The following CTNNA2 variants were observed in gnomAD, a reference collection of about 807,000 sequenced individuals.
CTNNA2 encodes the protein catenin alpha-2.
Under a neutral mutation model 101.0 loss-of-function variants are expected in CTNNA2, and 42 were observed. The observed-to-expected ratio is 0.42, with a 90% CI of 0.32 to 0.54. The LOEUF is 0.54. CTNNA2 is among the 20% of genes least tolerant of loss of function. The probability of loss-of-function intolerance (pLI) is 0.14; values close to 1 mark genes in which losing one functional copy is unlikely to be tolerated. For missense variants in CTNNA2, 871 were observed against 1,223.1 expected (o/e 0.71, Z 4.29); for synonymous variants, 450 against 456.4 (o/e 0.99, Z 0.18).
At chr2:80,074,374 T>C (rs1027407937) in intron 7 of CTNNA2, among the ~76,000 whole-genome samples, 1 of 152,138 alleles carries the variant, frequency 6.6e-6, no homozygotes, top group African/African-American at 2.4e-5. Context: ...GAGGCAGTAG[T>C]TGTATTAGGA....
intron 3 of CTNNA2, among the ~76,000 whole-genome samples, chr2:79,336,031 A>G (rs868096135): frequency 2.0e-5 from 3 of 152,340 alleles, no homozygotes; most frequent in South Asian, 2.1e-4. Context: ...ACAAAACTCC[A>G]TCTGAAGACA....
intron 7 of CTNNA2, among the ~76,000 whole-genome samples, chr2:80,097,533 C>G (rs867986760): frequency 2.0e-5 from 3 of 152,028 alleles, no homozygotes; most frequent in Non-Finnish European, 4.4e-5. Context: ...TCTGTATTTC[C>G]TGAATTTGAA....
chr2:80,440,813 T>A (rs1682493314), intron 9 of CTNNA2, among the ~76,000 whole-genome samples: 1 of 152,180 alleles, frequency 6.6e-6, no homozygotes, highest in Middle Eastern at 3.2e-3. Context: ...TTATTCCAAG[T>A]AAGTGGGGCA....
chr2:80,515,814 A>G (rs1157874978), intron 9 of CTNNA2, among the ~76,000 whole-genome samples: 1 of 152,246 alleles, frequency 6.6e-6, no homozygotes, highest in Admixed American at 6.5e-5. Context: ...GCCGAAATCA[A>G]TTGAGGCTTC....
chr2:79,738,062 C>A (rs1002470228), intron 2 of CTNNA2, among the ~76,000 whole-genome samples: 2 of 152,214 alleles, frequency 1.3e-5, no homozygotes, highest in Non-Finnish European at 2.9e-5. Context: ...CACTGCACTA[C>A]CGCCATTGTG....
intron 11 of CTNNA2, among the ~76,000 whole-genome samples, chr2:80,552,542 G>A (rs1185726683): frequency 6.6e-6 from 1 of 152,198 alleles, no homozygotes; most frequent in Non-Finnish European, 1.5e-5. Context: ...GAAAAACACT[G>A]AGTAAACTGT....
intron 12 of CTNNA2, among the ~76,000 whole-genome samples, chr2:80,556,370 G>A (rs1693026024): frequency 1.3e-5 from 2 of 152,180 alleles, no homozygotes. Context: ...CCAGCCAGTG[G>A]AAAGCATAAA....
intron 9 of CTNNA2, among the ~76,000 whole-genome samples, chr2:80,475,171 G>A (rs989686681): frequency 2.6e-5 from 4 of 152,046 alleles, no homozygotes; most frequent in East Asian, 3.9e-4. Flanking sequence ...CACATTCTTC[G>A]GTGTTAATAA....
At chr2:79,536,819 A>T (rs970746541) in intron 1 of CTNNA2, among the ~76,000 whole-genome samples, 1 of 151,830 alleles carries the variant, frequency 6.6e-6, no homozygotes, top group Non-Finnish European at 1.5e-5. Context: ...CTCCTGCCTC[A>T]GCCTCCCGAG....
intron 9 of CTNNA2, among the ~76,000 whole-genome samples, chr2:80,475,036 T>C (rs959348068): frequency 6.6e-6 from 1 of 152,160 alleles, no homozygotes; most frequent in South Asian, 2.1e-4. Context: ...GTGAGTTGGG[T>C]GATTTTTACT....
chr2:79,721,310 C>A (rs184917639), intron 2 of CTNNA2, among the ~76,000 whole-genome samples: 1 of 152,186 alleles, frequency 6.6e-6, no homozygotes, highest in African/African-American at 2.4e-5. Context: ...TGGTGAGGGC[C>A]TTCTTGCTGT....
chr2:80,128,443 C>G (rs572346295), intron 7 of CTNNA2, among the ~76,000 whole-genome samples: 7 of 152,222 alleles, frequency 4.6e-5, no homozygotes, highest in Non-Finnish European at 8.8e-5. Flanking sequence ...CTCTCTGGGC[C>G]ACAGCTTTCC....
At chr2:79,249,493 C>A (rs575223397) in intron 2 of CTNNA2, among the ~76,000 whole-genome samples, 6 of 152,236 alleles carry the variant, frequency 3.9e-5, no homozygotes, top group Non-Finnish European at 7.4e-5. Flanking sequence ...GAAAGATTAC[C>A]AACTTTCCCT....
At chr2:79,670,605 A>T (rs944374406) in intron 2 of CTNNA2, among the ~76,000 whole-genome samples, 2 of 152,134 alleles carry the variant, frequency 1.3e-5, no homozygotes, top group African/African-American at 4.8e-5. Flanking sequence ...TGGGTGCCTT[A>T]TTTCTCCTAC....
At chr2:79,519,229 A>G (rs1671971709) in intron 1 of CTNNA2, among the ~76,000 whole-genome samples, 2 of 129,896 alleles carry the variant, frequency 1.5e-5, no homozygotes, top group Admixed American at 1.6e-4. Context: ...ACTCCGTCTC[A>G]AAAAAAAAAA....
intron 7 of CTNNA2, among the ~76,000 whole-genome samples, chr2:80,080,948 T>TAAAAAAAA (rs79785271): frequency 8.0e-5 from 7 of 87,590 alleles, no homozygotes; most frequent in South Asian, 9.3e-4. Flanking sequence ...TTCTCCCACT[T>TAAAAAAAA]AAAAAAAAAA....
chr2:79,248,458 G>A (rs1031798612), intron 2 of CTNNA2, among the ~76,000 whole-genome samples: 1 of 151,604 alleles, frequency 6.6e-6, no homozygotes, highest in Non-Finnish European at 1.5e-5. Context: ...TTTAAAATTT[G>A]GTATGTCTTT....
rs191128062 is a variant in CTNNA2, at chr2:80,264,265, G to A, written c.1057-128946G>A. 3.3e-5 allele frequency among the ~76,000 whole-genome samples: 5 copies of A among 152,066 alleles called. No homozygotes were observed. The East Asian group carries it at 9.7e-4, about 30-fold the overall frequency. The stretch of plus-strand genomic sequence containing the variant: ...CATCATTTTGCTATTTAACGATATT[G>A]GAGGAGAAGGTTATAGCAAAATGAT... On this transcript the variant is annotated intron_variant, in intron 7 of 18. Coordinates refer to ENST00000402739, the MANE Select transcript of CTNNA2 (RefSeq NM_001282597.3).
intron 7 of CTNNA2, among the ~76,000 whole-genome samples, chr2:80,307,750 A>C (rs189660350): frequency 3.7e-4 from 56 of 152,350 alleles, no homozygotes; most frequent in African/African-American, 1.2e-3. Context: ...GAGCTCATCT[A>C]GCTGAACCGC....
Sources: allele counts gnomAD v4.1 joint callset (sites outside exome capture counted in the v4.1 genomes callset), GRCh38; gene constraint gnomAD v4.1.1; transcripts MANE v1.5; gene names NCBI Gene and HGNC (gene_info 2026-07-23, HGNC 2026-07-21).